The following DLD variants were observed in gnomAD, a reference collection of about 807,000 sequenced individuals.
The protein encoded by DLD is dihydrolipoyl dehydrogenase, mitochondrial.
Under a neutral mutation model 62.2 loss-of-function variants are expected in DLD, and 36 were observed. The ratio of observed to expected loss-of-function variants is 0.58; its 90% CI spans 0.44 to 0.76. DLD has a LOEUF of 0.76. Ranked by LOEUF, DLD falls within the 30% of genes least tolerant of loss-of-function variation. DLD has a pLI of 0.00. For missense variants in DLD, 541 were observed against 608.6 expected (o/e 0.89, Z 1.17); for synonymous variants, 204 against 199.6 (o/e 1.02, Z -0.19).
chr7:107,903,989 A>G (rs1207260214), intron 5 of DLD, among the ~76,000 whole-genome samples: 1 of 152,214 alleles, frequency 6.6e-6, no homozygotes. Context: ...GAAAAGGAAG[A>G]GGACATTTCA....
intron 2 of DLD, among the ~76,000 whole-genome samples, chr7:107,898,248 C>T (rs2031779641): frequency 7.3e-6 from 1 of 137,768 alleles, no homozygotes; most frequent in African/African-American, 2.7e-5. Flanking sequence ...AAATGTATTT[C>T]ATTTAACTAC....
chr7:107,906,248 T>G lies in DLD; in HGVS notation c.583-19T>G. The G allele has an allele frequency of 6.9e-7, 1 of 1,446,808 alleles. No homozygotes were observed. Among genetic ancestry groups the G allele is most frequent in the Non-Finnish European group, 9.7e-7 (1 of 1,028,532 alleles). The allele number at this position is 1,446,808 out of a possible 1,614,324, so 89.6% of individuals were successfully genotyped here. On this transcript the variant is annotated intron_variant, in intron 7 of 13. Transcript: ENST00000205402. The stretch of plus-strand genomic sequence containing the variant: ...GTTTTTTCAAATTATTTTGATTATA[T>G]CTTTTGTTTTTCTTACAGATAGATG...
intron 2 of DLD, among the ~76,000 whole-genome samples, chr7:107,897,447 T>G (rs1338142351): frequency 6.6e-6 from 1 of 152,204 alleles, no homozygotes; most frequent in East Asian, 1.9e-4. Flanking sequence ...CTTTTCTTCC[T>G]CTGTTAATGG....
Position 107,893,263 on chromosome 7 carries a change from TA to T in DLD, c.104del (p.Tyr35SerfsTer10). ...ACTTTCTGCAGTGCCTCTGAGAACT[TA>T]CGCAGATCAGCCGAGTAAGTACTTA... ...QGLSAVPLRT[Y>X]ADQPIDADVT... On this transcript the variant is annotated frameshift_variant, in exon 2 of 14. Transcript: ENST00000205402. LOFTEE classifies it high-confidence loss of function. 6.2e-7 allele frequency: 1 copy of T among 1,613,240 alleles called. No individual in the cohort carries two copies. Among genetic ancestry groups the T allele is most frequent in the Non-Finnish European group, 8.5e-7 (1 of 1,179,528 alleles).
intron 2 of DLD, among the ~76,000 whole-genome samples, chr7:107,900,033 C>T (rs1218533982): frequency 6.6e-6 from 1 of 151,812 alleles, no homozygotes; most frequent in African/African-American, 2.4e-5. Flanking sequence ...ATCAGTGAAC[C>T]AAGCAGGGTG....
rs2032254965 is a variant in DLD, at chr7:107,915,779, T to C, written c.875+83T>C. 9.4e-6 allele frequency: 12 copies of C among 1,274,738 alleles called. No individual in the cohort carries two copies. The South Asian group carries it at 1.3e-4, about 14-fold the overall frequency. The allele number at this position is 1,274,738 out of a possible 1,614,324, so 79.0% of individuals were successfully genotyped here. On this transcript the variant is annotated intron_variant, in intron 9 of 13. Coordinates refer to ENST00000205402, the MANE Select transcript of DLD (RefSeq NM_000108.5). ...CAAGTTTCAAAATCAGTTTAGCAAA[T>C]ATAGGGTTTTTTCTAACTTAAGGTC...
At position 107,902,327 on chromosome 7, in the gene DLD, A is replaced by T. The variant is rs892171498; in HGVS notation, c.201A>T (p.Thr67=). Residue 67 remains threonine, a splice_region_variant and synonymous_variant, in exon 4 of 14, where the codon ACA becomes ACT. Transcript: ENST00000205402. ...AATAATGTTTTCTTTGGTTGTAGAC[A>T]GTCTGCATTGAGAAAAATGAAACAC... is the stretch of plus-strand genomic sequence containing the variant. ...AIKAAQLGFK[T]VCIEKNETLG... 3 of 1,613,424 alleles carry T rather than the reference A, an allele frequency of 1.9e-6. No individual in the cohort carries two copies. The African/African-American group carries it at 4.0e-5, about 22-fold the overall frequency.
In DLD at chr7:107,891,940, C is replaced by T. The variant is rs78552728; in HGVS notation, c.39+651C>T. Among the ~76,000 whole-genome samples, 1,238 of 152,288 alleles carry T rather than the reference C, an allele frequency of 8.1e-3. 19 individuals carry two copies. Among genetic ancestry groups the T allele is most frequent in the African/African-American group, 0.027 (1,133 of 41,562 alleles). On this transcript the variant is annotated intron_variant, in intron 1 of 13. Coordinates refer to ENST00000205402, the MANE Select transcript of DLD (RefSeq NM_000108.5). ...CAGCCAAATTGTGTGTATGTGGCACCGTGGCTGGGTACTATGTTAGTGGAG... is the reference window on the plus strand; with the variant it reads ...CAGCCAAATTGTGTGTATGTGGCACTGTGGCTGGGTACTATGTTAGTGGAG...
rs74702555 is a variant in DLD at position 107,905,833 on chromosome 7, A to C, written c.582+329A>C. ...ATACCTCAAAACAAATAAATGACTTAGTATTTTTAGTGATTCTACTGAGAT... is the reference window on the plus strand; with the variant it reads ...ATACCTCAAAACAAATAAATGACTTCGTATTTTTAGTGATTCTACTGAGAT... On this transcript the variant is annotated intron_variant, in intron 7 of 13. Transcript: ENST00000205402. 1.9e-3 allele frequency: 666 copies of C among 357,242 alleles called. 6 individuals are homozygous for C. Among genetic ancestry groups the C allele is most frequent in the African/African-American group, 0.013 (616 of 47,292 alleles). 22.1% of individuals were successfully genotyped at this position (357,242 alleles called of 1,614,324 possible).
chr7:107,906,896 A>G (rs2032021532), intron 8 of DLD, among the ~76,000 whole-genome samples: 1 of 152,172 alleles, frequency 6.6e-6, no homozygotes, highest in East Asian at 1.9e-4. Flanking sequence ...ACCTCCCTCC[A>G]TTTTAGAGTC....
intron 11 of DLD, 54 bp from the exon 12 acceptor site, chr7:107,917,870 T>C (rs1262089286): frequency 2.5e-6 from 4 of 1,611,086 alleles, no homozygotes; most frequent in East Asian, 4.5e-5. Context: ...ATTTTACAAA[T>C]TGGAAAGAAC....
At position 107,891,352 on chromosome 7, in the gene DLD, C is replaced by A; in HGVS notation, c.39+63C>A. 3.1e-6 allele frequency: 5 copies of A among 1,589,186 alleles called. No homozygotes were observed. In the South Asian group the frequency reaches 5.5e-5, roughly 18 times the overall value. On this transcript the variant is annotated intron_variant, in intron 1 of 13. Coordinates refer to ENST00000205402, the MANE Select transcript of DLD (RefSeq NM_000108.5). ...GCACGGAAGGTCCCGCTCAGTGGGTCCGGTACGCGGCTTAACCGTGTTGGG... is the reference window on the plus strand; with the variant it reads ...GCACGGAAGGTCCCGCTCAGTGGGTACGGTACGCGGCTTAACCGTGTTGGG...
rs1004459772 is a variant in DLD at position 107,917,057 on chromosome 7, T to C, written c.1046+93T>C. 4.1e-5 allele frequency: 55 copies of C among 1,350,902 alleles called. No homozygotes were observed. The South Asian group carries it at 6.2e-4, about 15-fold the overall frequency. The allele number at this position is 1,350,902 out of a possible 1,614,324, so 83.7% of individuals were successfully genotyped here. A position where few individuals can be genotyped will look rare whatever the true frequency, so the allele number is the denominator to read the frequency against. ...AAGATTTTTATGCTTAAAATATGTATTGGCTTTGGGGAAGAATAGTAAACT... is the reference window on the plus strand; with the variant it reads ...AAGATTTTTATGCTTAAAATATGTACTGGCTTTGGGGAAGAATAGTAAACT... On this transcript the variant is annotated intron_variant, in intron 10 of 13. Transcript: ENST00000205402.
intron 5 of DLD, 51 bp downstream of exon 5, chr7:107,903,598 T>G: frequency 8.9e-7 from 1 of 1,117,854 alleles, no homozygotes. Context: ...TTGACTTGGC[T>G]CTTCTGTCTA....
At chr7:107,902,666 T>C (rs1026347717) in intron 4 of DLD, among the ~76,000 whole-genome samples, 2 of 152,250 alleles carry the variant, frequency 1.3e-5, no homozygotes, top group African/African-American at 4.8e-5. Flanking sequence ...GTTCTAGTTT[T>C]TTCTCTTTAT....
At chr7:107,897,073 G>T (rs1173208047) in intron 2 of DLD, among the ~76,000 whole-genome samples, 1 of 152,094 alleles carries the variant, frequency 6.6e-6, no homozygotes, top group African/African-American at 2.4e-5. Context: ...GACCTCAGGG[G>T]ATCCACCCAC....
chr7:107,900,127 C>G (rs946604154), intron 2 of DLD, among the ~76,000 whole-genome samples: 4 of 151,972 alleles, frequency 2.6e-5, no homozygotes, highest in Non-Finnish European at 5.9e-5. Context: ...CATGTATTAT[C>G]TCAATTATCA....
intron 8 of DLD, among the ~76,000 whole-genome samples, chr7:107,912,463 T>C (rs542858634): frequency 1.3e-5 from 2 of 152,252 alleles, no homozygotes; most frequent in Non-Finnish European, 2.9e-5. Flanking sequence ...ATGAGGGTTC[T>C]CCTTTCTCCA....
chr7:107,903,454 T>C, intron 4 of DLD, 24 bp from the exon 5 acceptor site: 1 of 1,359,752 alleles, frequency 7.4e-7, no homozygotes, highest in Non-Finnish European at 1.1e-6. Flanking sequence ...TATTTGATAA[T>C]TTGATCTTTT....
Sources: gnomAD v4.1 joint callset for allele counts (sites outside exome capture counted in the v4.1 genomes callset) on GRCh38, gnomAD v4.1.1 for gene constraint, MANE v1.5 for transcripts, NCBI Gene and HGNC (gene_info 2026-07-23, HGNC 2026-07-21) for gene names.